The following PCDHA5 variants were observed in gnomAD, a reference collection of about 807,000 sequenced individuals.
PCDHA5 encodes protocadherin alpha-5.
Under a neutral mutation model 61.6 loss-of-function variants are expected in PCDHA5, and 43 were observed. The observed-to-expected ratio is 0.70, with a 90% CI of 0.55 to 0.90. The LOEUF (loss-of-function observed/expected upper bound fraction) is 0.90, where lower values mean the gene tolerates loss of function less well. Among genes scored for constraint, PCDHA5 ranks in the 40% least tolerant of loss-of-function variants. The pLI is 0.00. For synonymous variants in PCDHA5, 627 were observed against 543.9 expected, an observed-to-expected ratio of 1.15 and a Z score of -2.13; for missense variants, 1,298 against 1,222.7, an observed-to-expected ratio of 1.06 and a Z score of -0.92.
chr5:140,987,005 T>C (rs1587197864), intron 3 of PCDHA5, among the ~76,000 whole-genome samples: 1 of 152,008 alleles, frequency 6.6e-6, no homozygotes. Context: ...CTTGAGGTCA[T>C]GAGTTCGAGA....
At chr5:140,828,164 A>T in intron 1 of PCDHA5, 2 of 1,614,130 alleles carry the variant, frequency 1.2e-6, no homozygotes, top group Non-Finnish European at 1.7e-6. Flanking sequence ...CGCAGCCTGG[A>T]AGGTGGGGAG....
chr5:140,836,098 G>A, intron 1 of PCDHA5: 5 of 1,613,714 alleles, frequency 3.1e-6, no homozygotes, highest in Non-Finnish European at 4.2e-6. Context: ...CGGGTGGGTG[G>A]CACTGGTGGC....
chr5:140,857,478 C>G (rs782202072), intron 1 of PCDHA5: 1 of 1,598,590 alleles, frequency 6.3e-7, no homozygotes, highest in Non-Finnish European at 8.6e-7. Context: ...TTCACGGTGT[C>G]TGCGTGGGAC....
chr5:140,976,149 A>C (rs1397618914), intron 1 of PCDHA5, among the ~76,000 whole-genome samples: 1 of 152,182 alleles, frequency 6.6e-6, no homozygotes, highest in Non-Finnish European at 1.5e-5. Context: ...ACTCATGTAC[A>C]TTTTACTACT....
chr5:140,968,594 A>G (rs1218717024), intron 1 of PCDHA5: 3 of 1,614,176 alleles, frequency 1.9e-6, no homozygotes, highest in Non-Finnish European at 2.5e-6. Flanking sequence ...AGTCATAGCT[A>G]TGGACTCAGA....
chr5:140,870,693 A>C, intron 1 of PCDHA5: 1 of 1,612,950 alleles, frequency 6.2e-7, no homozygotes, highest in Non-Finnish European at 8.5e-7. Context: ...TGGAGCTGCT[A>C]CAGTTCCAGG....
chr5:140,897,461 A>G (rs1374397258), intron 1 of PCDHA5, among the ~76,000 whole-genome samples: 5 of 151,630 alleles, frequency 3.3e-5, no homozygotes, highest in African/African-American at 4.8e-5. Flanking sequence ...TCCTTGCGAT[A>G]GTTTACTGAG....
intron 1 of PCDHA5, chr5:140,841,814 A>G: frequency 6.2e-7 from 1 of 1,613,908 alleles, no homozygotes; most frequent in Non-Finnish European, 8.5e-7. Context: ...TGTTGGAGCT[A>G]ACTCCGTGTT....
chr5:140,840,576 A>C (rs1264610441), intron 1 of PCDHA5, among the ~76,000 whole-genome samples: 1 of 152,090 alleles, frequency 6.6e-6, no homozygotes, highest in African/African-American at 2.4e-5. Flanking sequence ...GGCATGTCAG[A>C]GAAATCATAA....
chr5:140,827,978 G>A, intron 1 of PCDHA5: 1 of 1,411,616 alleles, frequency 7.1e-7, no homozygotes, highest in Non-Finnish European at 9.6e-7. Flanking sequence ...ATCATTCCCT[G>A]ACTGTTGAAT....
At chr5:140,871,840 C>G (rs1214510248) in intron 1 of PCDHA5, among the ~76,000 whole-genome samples, 1 of 152,256 alleles carries the variant, frequency 6.6e-6, no homozygotes, top group Admixed American at 6.5e-5. Context: ...CTCTAAACTT[C>G]AATTATGACC....
intron 1 of PCDHA5, chr5:140,828,295 C>G: frequency 6.2e-7 from 1 of 1,614,124 alleles, no homozygotes; most frequent in Non-Finnish European, 8.5e-7. Flanking sequence ...GGATGGCCTC[C>G]AAAGACCGCG....
intron 3 of PCDHA5, among the ~76,000 whole-genome samples, chr5:140,991,989 G>A (rs782528431): frequency 1.3e-5 from 2 of 151,180 alleles, no homozygotes; most frequent in African/African-American, 4.9e-5. Flanking sequence ...CCTACCACCC[G>A]GTCTTTCATG....
intron 1 of PCDHA5, among the ~76,000 whole-genome samples, chr5:140,937,638 CATGGTGG>C (rs1563162054): frequency 2.0e-5 from 3 of 150,048 alleles, no homozygotes; most frequent in South Asian, 4.2e-4. Flanking sequence ...AAAGGCAGGG[CATGGTGG>C]CTCACGCCTG....
At position 140,875,988 on chromosome 5, in the gene PCDHA5, A is replaced by G. The variant is rs144050089; in HGVS notation, c.2352+51861A>G. On this transcript the variant is annotated intron_variant, in intron 1 of 3. Transcript: ENST00000529859. ...TAAACTCTCTTTTGACCTATGCGTT[A>G]AGTCTAAATGAGAATTTTGAGCTTA... 4,280 of 1,614,014 alleles carry G rather than the reference A, an allele frequency of 2.7e-3. 13 individuals are homozygous for G. The highest frequency in any genetic ancestry group is 3.4e-3 in the Non-Finnish European group (4,021 of 1,179,898).
chr5:140,979,408 G>GTT (rs558051720), intron 2 of PCDHA5, among the ~76,000 whole-genome samples: 2 of 147,646 alleles, frequency 1.4e-5, no homozygotes, highest in African/African-American at 2.5e-5. Context: ...TGTCTACCTT[G>GTT]TTTTTTTTTT....
At chr5:140,928,208 A>AT (rs1436614514) in intron 1 of PCDHA5, 2 of 1,614,110 alleles carry the variant, frequency 1.2e-6, no homozygotes, top group Non-Finnish European at 1.7e-6. Flanking sequence ...GCTGATGTGA[A>AT]TGACAATACA....
chr5:140,986,397 C>G (rs943993265), intron 3 of PCDHA5, among the ~76,000 whole-genome samples: 1 of 152,162 alleles, frequency 6.6e-6, no homozygotes. Context: ...AAGGGCCAGT[C>G]GCTCATGTTA....
intron 3 of PCDHA5, among the ~76,000 whole-genome samples, chr5:140,985,651 T>A (rs1413086230): frequency 6.6e-6 from 1 of 151,992 alleles, no homozygotes; most frequent in Non-Finnish European, 1.5e-5. Context: ...ACACTTGCAA[T>A]GGCTGAATAA....
Sources: gnomAD v4.1 joint callset for allele counts (sites outside exome capture counted in the v4.1 genomes callset) on GRCh38, gnomAD v4.1.1 for gene constraint, MANE v1.5 for transcripts, NCBI Gene and HGNC (gene_info 2026-07-23, HGNC 2026-07-21) for gene names.